ZC2HC1B: variants seen among roughly 807,000 people sequenced by gnomAD.
ZC2HC1B encodes zinc finger C2HC-type containing 1B, also known as zinc finger C2HC domain-containing protein 1B.
ZC2HC1B carries 36 observed loss-of-function variants against 31.0 expected under a neutral mutation model. That is an observed-to-expected ratio of 1.16 (90% CI 0.89 to 1.54). The LOEUF (loss-of-function observed/expected upper bound fraction) is 1.54. Among genes scored for constraint, ZC2HC1B ranks in the 40% most tolerant of loss-of-function variants. The probability of loss-of-function intolerance (pLI) is 0.00; values close to 1 mark genes in which losing one functional copy is unlikely to be tolerated. For missense variants in ZC2HC1B, 260 were observed against 268.6 expected (o/e 0.97, Z 0.22); for synonymous variants, 73 against 88.0 (o/e 0.83, Z 0.95).
rs1448844643 is a variant in ZC2HC1B at position 143,903,867 on chromosome 6, GTAT to G, written c.598+720_598+722del. Among the ~76,000 whole-genome samples the G allele has an allele frequency of 2.0e-5, 3 of 152,206 alleles. No individual in the cohort carries two copies. The East Asian group carries it at 5.8e-4, about 29-fold the overall frequency. ...GTTGTTATGCTATATTAAAATTGTT[GTAT>G]TATTTTTTATTATTGGTACACTTGG... On this transcript the variant is annotated intron_variant, in intron 6 of 7. Coordinates refer to ENST00000237275, the MANE Select transcript of ZC2HC1B (RefSeq NM_001013623.3). The surrounding 1 kb of genome is among the most constrained non-coding windows in gnomAD (Gnocchi z 4.3).
intron 6 of ZC2HC1B, among the ~76,000 whole-genome samples, chr6:143,910,460 T>A (rs189618905): frequency 6.6e-6 from 1 of 152,032 alleles, no homozygotes; most frequent in Admixed American, 6.6e-5. Context: ...GGGTGGAGAG[T>A]TCTTTAGATA....
chr6:143,930,676 C>A (rs541800500), intron 6 of ZC2HC1B, among the ~76,000 whole-genome samples: 1 of 152,142 alleles, frequency 6.6e-6, no homozygotes, highest in East Asian at 1.9e-4. Context: ...CGCGCCCAGC[C>A]AGTTTTGAGA....
Position 143,903,163 on chromosome 6 carries a change from G to T in ZC2HC1B, c.598+11G>T, listed in dbSNP as rs1446137395. ...TCCCAACCAAGTCAGGTGAGTCAAAGCACGCATTTCATCTCTCAAATGATG... is the reference window on the plus strand; with the variant it reads ...TCCCAACCAAGTCAGGTGAGTCAAATCACGCATTTCATCTCTCAAATGATG... On this transcript the variant is annotated intron_variant, in intron 6 of 7. Coordinates refer to ENST00000237275, the MANE Select transcript of ZC2HC1B (RefSeq NM_001013623.3). This position sits in a 1 kb window ranked among gnomAD's most constrained non-coding sequence, Gnocchi z 4.3. 6.4e-7 allele frequency: 1 copy of T among 1,551,132 alleles called. No homozygotes were observed. The highest frequency in any genetic ancestry group is 8.7e-7 in the Non-Finnish European group (1 of 1,146,116).
In ZC2HC1B at chr6:143,920,849, A is replaced by G. The variant is rs60698843; in HGVS notation, c.599-16800A>G. On this transcript the variant is annotated intron_variant, in intron 6 of 7. Transcript: ENST00000237275. ...CTTGAACCCAGGAGTCGGAGGTTAC[A>G]GTGAGCCAAGATCGCCACTGCACTC... Among the ~76,000 whole-genome samples the G allele has an allele frequency of 2.1e-3, 323 of 150,900 alleles. 7 individuals carry two copies. The East Asian group carries it at 0.038, about 18-fold the overall frequency.
At chr6:143,892,728 C>T (rs532586262) in intron 4 of ZC2HC1B, among the ~76,000 whole-genome samples, 66 of 152,224 alleles carry the variant, frequency 4.3e-4, no homozygotes, top group Middle Eastern at 3.4e-3. Context: ...ACTAGGACTG[C>T]CTCCGACACT....
intron 4 of ZC2HC1B, among the ~76,000 whole-genome samples, chr6:143,889,761 C>T (rs1271601228): frequency 6.6e-6 from 1 of 152,066 alleles, no homozygotes; most frequent in Non-Finnish European, 1.5e-5. Context: ...GAATACACAG[C>T]AGGAAAATCA....
intron 6 of ZC2HC1B, among the ~76,000 whole-genome samples, chr6:143,919,259 G>GTGTGTGTA (rs1582972905): frequency 1.3e-5 from 2 of 148,982 alleles, no homozygotes; most frequent in East Asian, 4.1e-4. Flanking sequence ...GTGTGTGTGT[G>GTGTGTGTA]TGTGTGTATG....
In ZC2HC1B at chr6:143,903,259, T is replaced by C; in HGVS notation, c.598+107T>C. On this transcript the variant is annotated intron_variant, in intron 6 of 7. Transcript: ENST00000237275. The surrounding 1 kb of genome is among the most constrained non-coding windows in gnomAD (Gnocchi z 4.3). ...TGCAAAAGCTCTAAGACATTCACTG[T>C]TGCTTTTGGATGCAAAGATATTTGG... 1 of 984,264 alleles carries C rather than the reference T, an allele frequency of 1.0e-6. No individual in the cohort carries two copies. 61.0% of individuals were successfully genotyped at this position (984,264 alleles called of 1,614,324 possible).
Position 143,899,468 on chromosome 6 carries a change from C to T in ZC2HC1B, c.489+777C>T, listed in dbSNP as rs1004916542. ...ATGGCTCATTGCAGCTTTGACCTCCCAGGTGCAGGTGATACTCCCACCTCG... is the reference window on the plus strand; with the variant it reads ...ATGGCTCATTGCAGCTTTGACCTCCTAGGTGCAGGTGATACTCCCACCTCG... On this transcript the variant is annotated intron_variant, in intron 5 of 7. Transcript: ENST00000237275. The surrounding 1 kb of genome is among the most constrained non-coding windows in gnomAD (Gnocchi z 5.0). Among the ~76,000 whole-genome samples the T allele has an allele frequency of 6.6e-6, 1 of 152,172 alleles. No individual in the cohort carries two copies. Among genetic ancestry groups the T allele is most frequent in the African/African-American group, 2.4e-5 (1 of 41,426 alleles).
Position 143,899,533 on chromosome 6 carries a change from G to A in ZC2HC1B, c.489+842G>A, listed in dbSNP as rs1162966820. On this transcript the variant is annotated intron_variant, in intron 5 of 7. Transcript: ENST00000237275. The surrounding 1 kb of genome is among the most constrained non-coding windows in gnomAD (Gnocchi z 5.0). ...TGGAACTACAGGTGCATAGCACCACGCCCAGCTAATTTTTTGTATTTTTAG... is the reference window on the plus strand; with the variant it reads ...TGGAACTACAGGTGCATAGCACCACACCCAGCTAATTTTTTGTATTTTTAG... Among the ~76,000 whole-genome samples, 2 of 152,070 alleles carry A rather than the reference G, an allele frequency of 1.3e-5. No individual in the cohort carries two copies.
chr6:143,879,113 G>A (rs529700392), intron 1 of ZC2HC1B, among the ~76,000 whole-genome samples: 6 of 152,198 alleles, frequency 3.9e-5, no homozygotes, highest in East Asian at 1.9e-4. Flanking sequence ...CTCCTCATTC[G>A]CCTGCCTCAG....
At chr6:143,893,910 T>C (rs1019620127) in intron 4 of ZC2HC1B, among the ~76,000 whole-genome samples, 4 of 152,056 alleles carry the variant, frequency 2.6e-5, no homozygotes, top group African/African-American at 4.8e-5. Context: ...ATGGTCTTGA[T>C]CTCCTGACCT....
At chr6:143,928,839 C>CT (rs1554241657) in intron 6 of ZC2HC1B, among the ~76,000 whole-genome samples, 37 of 111,982 alleles carry the variant, frequency 3.3e-4, no homozygotes, top group East Asian at 1.3e-3. Context: ...TTTTTTTGTT[C>CT]TTTTTTTTTT....
intron 1 of ZC2HC1B, among the ~76,000 whole-genome samples, chr6:143,879,014 G>A (rs1188911326): frequency 6.6e-6 from 1 of 152,180 alleles, no homozygotes; most frequent in Non-Finnish European, 1.5e-5. Context: ...GCGGTGTGGG[G>A]CAGGGGTTGG....
intron 1 of ZC2HC1B, among the ~76,000 whole-genome samples, chr6:143,874,498 C>A (rs935750106): frequency 6.6e-6 from 1 of 152,240 alleles, no homozygotes; most frequent in Admixed American, 6.5e-5. Flanking sequence ...AAAGACATAC[C>A]TGAGACTGGG....
In ZC2HC1B at chr6:143,869,691, G is replaced by GTAGC. The variant is rs1235925271; in HGVS notation, c.28+5126_28+5129dup. 6.6e-6 allele frequency among the ~76,000 whole-genome samples: 1 copy of GTAGC among 152,182 alleles called. No homozygotes were observed. The highest frequency in any genetic ancestry group is 1.5e-5 in the Non-Finnish European group (1 of 68,020). The stretch of plus-strand genomic sequence containing the variant: ...TTCAATGTAATCAACCTGCCAGCAG[G>GTAGC]TAGCTGGCTGATCACCCTGAGAAGT... On this transcript the variant is annotated intron_variant, in intron 1 of 7. Transcript: ENST00000237275. The surrounding 1 kb of genome is among the most constrained non-coding windows in gnomAD (Gnocchi z 5.2).
intron 6 of ZC2HC1B, among the ~76,000 whole-genome samples, chr6:143,919,797 C>A (rs982257267): frequency 3.9e-5 from 6 of 152,112 alleles, no homozygotes; most frequent in African/African-American, 1.4e-4. Flanking sequence ...TCAAGCCTTC[C>A]CCTGGAAGTT....
At chr6:143,902,750 T>C (rs144230443) in intron 5 of ZC2HC1B, among the ~76,000 whole-genome samples, 260 of 152,362 alleles carry the variant, frequency 1.7e-3, no homozygotes, top group African/African-American at 6.1e-3. Context: ...TGATTTCTTA[T>C]GTCTCCATAC....
Position 143,868,056 on chromosome 6 carries a change from A to G in ZC2HC1B, c.28+3489A>G, listed in dbSNP as rs766925216. On this transcript the variant is annotated intron_variant, in intron 1 of 7. Transcript: ENST00000237275. This position sits in a 1 kb window ranked among gnomAD's most constrained non-coding sequence, Gnocchi z 4.2. ...TCTTGGTTGTAGATTATTTTACCTC[A>G]GAAGTTTAAAGGGTTTCTTCCATTT... Among the ~76,000 whole-genome samples the G allele has an allele frequency of 6.6e-6, 1 of 152,172 alleles. No individual in the cohort carries two copies. Among genetic ancestry groups the G allele is most frequent in the Non-Finnish European group, 1.5e-5 (1 of 68,042 alleles).
Sources: gnomAD v4.1 joint callset for allele counts (sites outside exome capture counted in the v4.1 genomes callset) on GRCh38, gnomAD v4.1.1 for gene constraint, Gnocchi (gnomAD v3.1) non-coding constraint, MANE v1.5 for transcripts, NCBI Gene and HGNC (gene_info 2026-07-23, HGNC 2026-07-21) for gene names.